The following LIPJ variants were observed in gnomAD, a reference collection of about 807,000 sequenced individuals.
LIPJ encodes the protein lipase member J.
In LIPJ, 33 loss-of-function variants were observed where a neutral mutation model predicts 39.8. The ratio of observed to expected loss-of-function variants is 0.83; its 90% CI spans 0.63 to 1.11. LIPJ has a LOEUF of 1.11. Ranked by LOEUF, LIPJ falls within the 50% of genes least tolerant of loss-of-function variation. The pLI is 0.00. For synonymous variants in LIPJ, 128 were observed against 139.2 expected, an observed-to-expected ratio of 0.92 and a Z score of 0.57; for missense variants, 422 against 427.9, an observed-to-expected ratio of 0.99 and a Z score of 0.12.
At chr10:88,609,606 G>T (rs1201307917), downstream of LIPJ, among the ~76,000 whole-genome samples, 1 of 152,144 alleles carries the variant, frequency 6.6e-6, no homozygotes, top group Non-Finnish European at 1.5e-5. Flanking sequence ...TTTCAGTCAA[G>T]AAAAGGAAAC....
chr10:88,621,473 C>G, the LIPJ span, among the ~76,000 whole-genome samples: 10 of 152,120 alleles, frequency 6.6e-5, no homozygotes, highest in East Asian at 1.9e-3. Flanking sequence ...AATGATAGAA[C>G]AGAAAAAAGT....
chr10:88,607,764 G>GA (rs1465296412), downstream of LIPJ, among the ~76,000 whole-genome samples: 2 of 152,150 alleles, frequency 1.3e-5, no homozygotes, highest in African/African-American at 4.8e-5. Context: ...GCATCACCAG[G>GA]AGATGTACAC....
the LIPJ span, among the ~76,000 whole-genome samples, chr10:88,616,722 C>T: frequency 6.6e-6 from 1 of 152,190 alleles, no homozygotes; most frequent in East Asian, 1.9e-4. Flanking sequence ...CTGCCTCAGG[C>T]TGAGGCTGCC....
the LIPJ span, among the ~76,000 whole-genome samples, chr10:88,620,697 G>T: frequency 2.2e-4 from 33 of 152,108 alleles, no homozygotes; most frequent in Non-Finnish European, 4.4e-4. Flanking sequence ...TCCTGGTTTG[G>T]ATGACCAAAT....
the LIPJ span, among the ~76,000 whole-genome samples, chr10:88,614,300 C>T: frequency 0.79 from 120,360 of 151,982 alleles, 48,263 homozygotes; most frequent in East Asian, 0.97. Flanking sequence ...GGGAGAAAGT[C>T]TGAGGTATAG....
chr10:88,602,516 T>G, intron 8 of LIPJ, 60 bp from the exon 9 acceptor site: 2 of 1,169,070 alleles, frequency 1.7e-6, no homozygotes, highest in Non-Finnish European at 1.2e-6. Flanking sequence ...TATTAAAAGA[T>G]TATGCTCTCT....
chr10:88,605,232 A>T (rs1007213750), intron 9 of LIPJ, among the ~76,000 whole-genome samples: 5 of 152,116 alleles, frequency 3.3e-5, no homozygotes, highest in Non-Finnish European at 7.4e-5. Context: ...TTCTGGGACA[A>T]ACTCTTGAGC....
intron 9 of LIPJ, among the ~76,000 whole-genome samples, chr10:88,604,448 T>C (rs1414470922): frequency 6.6e-6 from 1 of 151,946 alleles, no homozygotes; most frequent in Non-Finnish European, 1.5e-5. Context: ...AGTGAGAGAG[T>C]TAGAAAATTA....
At chr10:88,602,715 A>G (rs927172388) in intron 9 of LIPJ, 68 bp downstream of exon 9, 1 of 933,968 alleles carries the variant, frequency 1.1e-6, no homozygotes, top group Non-Finnish European at 1.6e-6. Context: ...TCATTATTCT[A>G]GGGATCATAC....
the LIPJ span, among the ~76,000 whole-genome samples, chr10:88,620,062 T>C: frequency 1.3e-5 from 2 of 152,190 alleles, no homozygotes; most frequent in Non-Finnish European, 2.9e-5. Flanking sequence ...AAATGAGACA[T>C]TCTTTAACAA....
intron 2 of LIPJ, among the ~76,000 whole-genome samples, chr10:88,588,700 G>A (rs962219135): frequency 6.6e-6 from 1 of 151,838 alleles, no homozygotes; most frequent in African/African-American, 2.4e-5. Context: ...AAAATTTAAA[G>A]TTGTGTTTAA....
At chr10:88,588,415 T>C (rs1223412631) in intron 2 of LIPJ, among the ~76,000 whole-genome samples, 1 of 151,912 alleles carries the variant, frequency 6.6e-6, no homozygotes, top group Non-Finnish European at 1.5e-5. Flanking sequence ...TTTATATAAA[T>C]GCTGTTGTTT....
At chr10:88,607,672 A>G (rs1851700611), downstream of LIPJ, among the ~76,000 whole-genome samples, 1 of 152,234 alleles carries the variant, frequency 6.6e-6, no homozygotes, top group Admixed American at 6.5e-5. Context: ...AGATGGAAAG[A>G]GGACTAAGAT....
At chr10:88,586,544 A>G (rs1219074778), upstream of LIPJ, among the ~76,000 whole-genome samples, 3 of 152,196 alleles carry the variant, frequency 2.0e-5, no homozygotes, top group African/African-American at 7.2e-5. Flanking sequence ...CTTGACCTAA[A>G]ATAGCCACCC....
At chr10:88,602,232 T>G (rs1344513235) in intron 8 of LIPJ, among the ~76,000 whole-genome samples, 1 of 152,166 alleles carries the variant, frequency 6.6e-6, no homozygotes, top group African/African-American at 2.4e-5. Context: ...CTCTCCTCAA[T>G]TTATTTTTGT....
At chr10:88,615,651 A>C in the LIPJ span, among the ~76,000 whole-genome samples, 25 of 97,812 alleles carry the variant, frequency 2.6e-4, no homozygotes, top group Non-Finnish European at 5.1e-4. Context: ...AAAAAAAAAA[A>C]CAGAAAGAAA....
chr10:88,584,037 ATT>A (rs755263739), upstream of LIPJ: 1 of 152,246 alleles, frequency 6.6e-6, no homozygotes, highest in Non-Finnish European at 1.5e-5. Context: ...AAAACAAATA[ATT>A]AAGTTACGCT....
intron 10 of LIPJ, 45 bp from the exon 11 acceptor site, chr10:88,606,629 G>C (rs1174861099): frequency 8.6e-7 from 1 of 1,162,508 alleles, no homozygotes; most frequent in Non-Finnish European, 1.3e-6. Context: ...ACCTTCTACT[G>C]TATCATCTCC....
chr10:88,602,753 G>A, intron 9 of LIPJ, 106 bp downstream of exon 9: 1 of 552,468 alleles, frequency 1.8e-6, no homozygotes, highest in Non-Finnish European at 3.0e-6. Flanking sequence ...AAATTTATAA[G>A]GATAAAATGA....
Sources: gnomAD v4.1 joint callset for allele counts (sites outside exome capture counted in the v4.1 genomes callset) on GRCh38, gnomAD v4.1.1 for gene constraint, MANE v1.5 for transcripts, NCBI Gene and HGNC (gene_info 2026-07-23, HGNC 2026-07-21) for gene names.